Variants in CNNM2 observed in about 807,000 individuals in gnomAD.
The protein encoded by CNNM2 is cyclin and CBS domain divalent metal cation transport mediator 2, also known as metal transporter CNNM2.
CNNM2 carries 12 observed loss-of-function variants against 66.9 expected under a neutral mutation model. The observed-to-expected ratio is 0.18, with a 90% CI of 0.11 to 0.29. The LOEUF (loss-of-function observed/expected upper bound fraction) is 0.29, where lower values mean the gene tolerates loss of function less well. Ranked by LOEUF, CNNM2 falls within the 10% of genes least tolerant of loss-of-function variation. The probability of loss-of-function intolerance (pLI) is 1.00; values close to 1 mark genes in which losing one functional copy is unlikely to be tolerated. For synonymous variants in CNNM2, 557 were observed against 501.8 expected (o/e 1.11, Z -1.47); for missense variants, 705 against 1,167.7 (o/e 0.60, Z 5.77).
At chr10:103,010,074 C>T (rs1002016299) in intron 1 of CNNM2, among the ~76,000 whole-genome samples, 8 of 151,592 alleles carry the variant, frequency 5.3e-5, no homozygotes, top group Admixed American at 1.3e-4. Flanking sequence ...TTACAAAAGA[C>T]TGCTAAAAGA....
intron 1 of CNNM2, among the ~76,000 whole-genome samples, chr10:102,941,717 C>T (rs895699757): frequency 1.3e-4 from 20 of 152,206 alleles, no homozygotes; most frequent in African/African-American, 7.2e-5. Context: ...GGCAGTCTTA[C>T]GATTCCAGCC....
Position 103,063,052 on chromosome 10 carries a change from G to C in CNNM2, c.2074-5577G>C, listed in dbSNP as rs11191540. On this transcript the variant is annotated intron_variant, in intron 4 of 7. Coordinates refer to ENST00000369878, the MANE Select transcript of CNNM2 (RefSeq NM_017649.5). ...CCAAGTAATACCACGTGGCACCAGA[G>C]TGGCCAAGGCGGGTGCTGGCACTGA... 0.31 allele frequency among the ~76,000 whole-genome samples: 46,658 copies of C among 152,162 alleles called. 7,296 individuals carry two copies. Among genetic ancestry groups the C allele is most frequent in the Middle Eastern group, 0.36 (106 of 294 alleles).
chr10:103,034,859 G>C (rs1034066925), intron 1 of CNNM2, among the ~76,000 whole-genome samples: 2 of 151,536 alleles, frequency 1.3e-5, no homozygotes, highest in Non-Finnish European at 2.9e-5. Flanking sequence ...CCAGCTACTC[G>C]GGAGGCTGAG....
At chr10:102,995,133 C>T (rs1434472918) in intron 1 of CNNM2, among the ~76,000 whole-genome samples, 2 of 149,148 alleles carry the variant, frequency 1.3e-5, no homozygotes, top group Admixed American at 1.3e-4. Flanking sequence ...GGGTTTTCTT[C>T]TTCTTATTCT....
chr10:102,988,803 A>G (rs2063844409), intron 1 of CNNM2, among the ~76,000 whole-genome samples: 2 of 152,186 alleles, frequency 1.3e-5, no homozygotes. Context: ...CATCAAAGCC[A>G]TTATGGTGCT....
intron 1 of CNNM2, among the ~76,000 whole-genome samples, chr10:102,983,922 G>A (rs909060001): frequency 4.6e-5 from 7 of 151,804 alleles, no homozygotes; most frequent in South Asian, 2.1e-4. Context: ...CCGCCACCAC[G>A]CCTGGCTAAT....
At chr10:103,052,185 G>T (rs1033176626) in intron 2 of CNNM2, among the ~76,000 whole-genome samples, 2 of 151,394 alleles carry the variant, frequency 1.3e-5, no homozygotes, top group African/African-American at 2.4e-5. Context: ...GGAGGCTGAG[G>T]CAGGAGAATC....
At chr10:102,995,847 T>C (rs898688324) in intron 1 of CNNM2, among the ~76,000 whole-genome samples, 2 of 151,994 alleles carry the variant, frequency 1.3e-5, no homozygotes, top group Non-Finnish European at 2.9e-5. Flanking sequence ...AGTACAGGCA[T>C]GCACCACTCC....
chr10:103,084,841 C>T lies in CNNM2; in HGVS notation c.*7661C>T, dbSNP rs1590525151. On this transcript the variant is annotated 3_prime_UTR_variant, in exon 8 of 8. Coordinates refer to ENST00000369878, the MANE Select transcript of CNNM2 (RefSeq NM_017649.5). ...TGGTTAAAAACTGACCTTTTTATAG[C>T]CTGGAGTTGATTTCTGGAAACTTAT... is the stretch of plus-strand genomic sequence containing the variant. 6.6e-6 allele frequency: 1 copy of T among 152,030 alleles called. No individual in the cohort carries two copies. Among genetic ancestry groups the T allele is most frequent in the Non-Finnish European group, 1.5e-5 (1 of 68,016 alleles). The allele number at this position is 152,030 out of a possible 1,614,324, so 9.4% of individuals were successfully genotyped here.
intron 1 of CNNM2, among the ~76,000 whole-genome samples, chr10:102,964,953 C>T (rs1330974907): frequency 6.6e-6 from 1 of 152,158 alleles, no homozygotes; most frequent in Non-Finnish European, 1.5e-5. Flanking sequence ...TCACTCAGCA[C>T]TTGGCCCTCC....
chr10:102,965,045 C>T (rs928158634), intron 1 of CNNM2, among the ~76,000 whole-genome samples: 4 of 152,142 alleles, frequency 2.6e-5, no homozygotes, highest in Admixed American at 2.6e-4. Context: ...AGGCAGAGAC[C>T]GTGCCCCTCA....
chr10:103,000,893 A>G (rs1450399486), intron 1 of CNNM2, among the ~76,000 whole-genome samples: 1 of 152,180 alleles, frequency 6.6e-6, no homozygotes, highest in East Asian at 1.9e-4. Flanking sequence ...CACCATGTTT[A>G]TAATAGTATT....
In CNNM2 at chr10:103,034,396, C is replaced by G. The variant is rs2064890468; in HGVS notation, c.1622-15311C>G. On this transcript the variant is annotated intron_variant, in intron 1 of 7. Coordinates refer to ENST00000369878, the MANE Select transcript of CNNM2 (RefSeq NM_017649.5). ...CCTTCAAGCAGGTTTAAAAACCGAC[C>G]TCATTCCTCTCCTTAAAACGCCTGT... Among the ~76,000 whole-genome samples the G allele has an allele frequency of 2.0e-5, 3 of 151,992 alleles. No homozygotes were observed. The South Asian group carries it at 6.2e-4, about 32-fold the overall frequency.
intron 7 of CNNM2, among the ~76,000 whole-genome samples, chr10:103,076,483 G>A (rs1197862144): frequency 1.3e-5 from 2 of 152,216 alleles, no homozygotes; most frequent in South Asian, 2.1e-4. Context: ...TCTATCCAAT[G>A]AGCTGCCAAA....
At chr10:102,981,160 A>G (rs925964363) in intron 1 of CNNM2, among the ~76,000 whole-genome samples, 1 of 152,096 alleles carries the variant, frequency 6.6e-6, no homozygotes, top group Non-Finnish European at 1.5e-5. Context: ...CATTCTGGGC[A>G]ACATGGCATA....
Position 103,087,511 on chromosome 10 carries a change from T to C in CNNM2, c.*10331T>C, listed in dbSNP as rs1469871823. On this transcript the variant is annotated 3_prime_UTR_variant, in exon 8 of 8. Coordinates refer to ENST00000369878, the MANE Select transcript of CNNM2 (RefSeq NM_017649.5). The stretch of plus-strand genomic sequence containing the variant: ...ATCTGGCTAGTAAGACACTCTTATA[T>C]GGATGCAATACAAAAAGTGGTAAAT... 1 of 152,184 alleles carries C rather than the reference T, an allele frequency of 6.6e-6. No individual in the cohort carries two copies. Among genetic ancestry groups the C allele is most frequent in the Non-Finnish European group, 1.5e-5 (1 of 68,036 alleles). The allele number at this position is 152,184 out of a possible 1,614,324, so 9.4% of individuals were successfully genotyped here.
intron 1 of CNNM2, among the ~76,000 whole-genome samples, chr10:102,961,950 T>G (rs2063386425): frequency 6.7e-6 from 1 of 149,964 alleles, no homozygotes. Flanking sequence ...CTAACGATAC[T>G]TATAAAAAAC....
chr10:103,009,311 T>G (rs532391280), intron 1 of CNNM2, among the ~76,000 whole-genome samples: 1 of 152,024 alleles, frequency 6.6e-6, no homozygotes, highest in Non-Finnish European at 1.5e-5. Flanking sequence ...TTATACAAAT[T>G]ATTCTCTGTA....
At chr10:102,977,884 G>A (rs757991563) in intron 1 of CNNM2, among the ~76,000 whole-genome samples, 3 of 152,136 alleles carry the variant, frequency 2.0e-5, no homozygotes, top group Non-Finnish European at 1.5e-5. Context: ...CCATTCCTTG[G>A]TCTTTGAGTT....
Sources: allele counts gnomAD v4.1 joint callset (sites outside exome capture counted in the v4.1 genomes callset), GRCh38; gene constraint gnomAD v4.1.1; transcripts MANE v1.5; gene names NCBI Gene and HGNC (gene_info 2026-07-23, HGNC 2026-07-21).